The following PCBP3 variants were observed in gnomAD, a reference collection of about 807,000 sequenced individuals.
PCBP3 encodes poly(rC)-binding protein 3.
Under a neutral mutation model 52.7 loss-of-function variants are expected in PCBP3, and 25 were observed. The ratio of observed to expected loss-of-function variants is 0.47; its 90% CI spans 0.35 to 0.66. The LOEUF is 0.66. Among genes scored for constraint, PCBP3 ranks in the 30% least tolerant of loss-of-function variants. PCBP3 has a pLI of 0.01. For synonymous variants in PCBP3, 162 were observed against 183.0 expected, an observed-to-expected ratio of 0.89 and a Z score of 0.93; for missense variants, 391 against 490.3, an observed-to-expected ratio of 0.80 and a Z score of 1.91.
At chr21:45,646,618 G>A (rs1457810397) in intron 1 of PCBP3, among the ~76,000 whole-genome samples, 1 of 152,200 alleles carries the variant, frequency 6.6e-6, no homozygotes, top group Non-Finnish European at 1.5e-5. Flanking sequence ...ATTAACCCAT[G>A]AATGGATTAA....
intron 4 of PCBP3, among the ~76,000 whole-genome samples, chr21:45,773,699 C>T (rs2090047096): frequency 6.6e-6 from 1 of 152,076 alleles, no homozygotes; most frequent in African/African-American, 2.4e-5. Flanking sequence ...TCTTTTTGCT[C>T]AGGATTGCTT....
chr21:45,850,238 A>G, intron 5 of PCBP3, 143 bp downstream of exon 5: 2 of 746,034 alleles, frequency 2.7e-6, no homozygotes, highest in Admixed American at 4.1e-5. Flanking sequence ...ATGTGCCCTG[A>G]AGACTATTCT....
At position 45,940,148 on chromosome 21, in the gene PCBP3, T is replaced by C; in HGVS notation, c.1028T>C (p.Ile343Thr). 6.2e-7 allele frequency: 1 copy of C among 1,614,086 alleles called. No homozygotes were observed. Among genetic ancestry groups the C allele is most frequent in the Non-Finnish European group, 8.5e-7 (1 of 1,179,964 alleles). The change falls in exon 17 of 18, where the codon ATC becomes ACC. Residue 343 changes from isoleucine (I) to threonine (T), a missense_variant. Coordinates refer to ENST00000681687, the MANE Select transcript of PCBP3 (RefSeq NM_001384156.1). ...GGGTCCTCAGAGCGTCAGATCACCA[T>C]CACGGGGACCCCGGCCAACATCAGC... is the stretch of plus-strand genomic sequence containing the variant. Reference protein sequence around the residue: ...TEGSSERQITITGTPANISLA... With the variant: ...TEGSSERQITTTGTPANISLA...
At chr21:45,925,065 G>A (rs1183633438) in intron 13 of PCBP3, among the ~76,000 whole-genome samples, 84 of 91,794 alleles carry the variant, frequency 9.2e-4, no homozygotes, top group Non-Finnish European at 1.4e-3. Context: ...ACGTAAGATC[G>A]GGTGTGCGTG....
chr21:45,890,322 A>G (rs1369935111), intron 5 of PCBP3, among the ~76,000 whole-genome samples: 2 of 152,266 alleles, frequency 1.3e-5, no homozygotes, highest in Non-Finnish European at 2.9e-5. Context: ...GGAAATGTGG[A>G]TAACAGAACC....
chr21:45,782,532 T>C (rs1183367210), intron 4 of PCBP3, among the ~76,000 whole-genome samples: 3 of 152,118 alleles, frequency 2.0e-5, no homozygotes, highest in Non-Finnish European at 2.9e-5. Context: ...TCATTCAAGG[T>C]AGAATGCAAG....
intron 4 of PCBP3, among the ~76,000 whole-genome samples, chr21:45,816,081 T>G (rs2092941400): frequency 8.5e-6 from 1 of 117,202 alleles, no homozygotes; most frequent in Non-Finnish European, 1.8e-5. Context: ...GAGTGGTGAG[T>G]GATGAGTGGT....
At chr21:45,783,918 C>T (rs565914677) in intron 4 of PCBP3, among the ~76,000 whole-genome samples, 8 of 152,238 alleles carry the variant, frequency 5.3e-5, no homozygotes, top group African/African-American at 9.6e-5. Context: ...ACACAAAGCA[C>T]GGAATTCAGT....
At chr21:45,730,860 A>G (rs1347768856) in intron 2 of PCBP3, among the ~76,000 whole-genome samples, 1 of 151,942 alleles carries the variant, frequency 6.6e-6, no homozygotes, top group African/African-American at 2.4e-5. Flanking sequence ...TTTTTTTATT[A>G]GAGTTAACAT....
At chr21:45,795,544 T>C (rs965893374) in intron 4 of PCBP3, among the ~76,000 whole-genome samples, 3 of 152,182 alleles carry the variant, frequency 2.0e-5, no homozygotes, top group Admixed American at 6.5e-5. Flanking sequence ...TAAAGCATAC[T>C]GATTAAAAAG....
At position 45,791,026 on chromosome 21, in the gene PCBP3, C is replaced by A. The variant is rs1026968755; in HGVS notation, c.-126+35574C>A. ...CACAAGGGCAGGAGAACCACTGGGG[C>A]AGCCTTGGGATGCCCAGGATGGGGG... On this transcript the variant is annotated intron_variant, in intron 4 of 17. Transcript: ENST00000681687. The surrounding 1 kb of genome is among the most constrained non-coding windows in gnomAD (Gnocchi z 4.2). 6.6e-6 allele frequency among the ~76,000 whole-genome samples: 1 copy of A among 152,126 alleles called. No individual in the cohort carries two copies. The highest frequency in any genetic ancestry group is 2.4e-5 in the African/African-American group (1 of 41,428).
intron 4 of PCBP3, among the ~76,000 whole-genome samples, chr21:45,834,489 G>A (rs529786954): frequency 1.4e-4 from 22 of 152,272 alleles, no homozygotes; most frequent in South Asian, 1.2e-3. Flanking sequence ...CTGCCTCCTC[G>A]CCACTGCCCA....
rs562319111 is a variant in PCBP3 at position 45,808,648 on chromosome 21, A to G, written c.-125-41313A>G. 1.3e-3 allele frequency among the ~76,000 whole-genome samples: 195 copies of G among 152,348 alleles called. 2 individuals are homozygous for G. Among genetic ancestry groups the G allele is most frequent in the East Asian group, 3.9e-4 (2 of 5,184 alleles). ...CAGTATGGCGATTCCTCAAGGATCTAGAACCAGAAATACCATTTGACCCAG... is the reference window on the plus strand; with the variant it reads ...CAGTATGGCGATTCCTCAAGGATCTGGAACCAGAAATACCATTTGACCCAG... On this transcript the variant is annotated intron_variant, in intron 4 of 17. Transcript: ENST00000681687.
chr21:45,909,112 C>G (rs910352588), intron 9 of PCBP3, among the ~76,000 whole-genome samples: 1 of 152,124 alleles, frequency 6.6e-6, no homozygotes, highest in East Asian at 1.9e-4. Context: ...CAGACCCGCC[C>G]CAACCCCACT....
intron 5 of PCBP3, among the ~76,000 whole-genome samples, chr21:45,878,740 G>C (rs2095329143): frequency 6.6e-6 from 1 of 152,216 alleles, no homozygotes; most frequent in Admixed American, 6.5e-5. Context: ...GATAACTGGA[G>C]TGTTACGACA....
intron 4 of PCBP3, among the ~76,000 whole-genome samples, chr21:45,789,454 A>G (rs752511056): frequency 6.6e-6 from 1 of 152,210 alleles, no homozygotes; most frequent in African/African-American, 2.4e-5. Context: ...GTGCATACAT[A>G]CATGCAGTTG....
chr21:45,841,919 G>A (rs139625254), intron 4 of PCBP3, among the ~76,000 whole-genome samples: 3 of 152,322 alleles, frequency 2.0e-5, no homozygotes, highest in Admixed American at 6.5e-5. Context: ...GTCTAGAGAC[G>A]CACAGCCTCT....
rs1232045625 is a variant in PCBP3, at chr21:45,868,411, C to CTTTTTTT, written c.10+18331_10+18337dup. On this transcript the variant is annotated intron_variant, in intron 5 of 17. Transcript: ENST00000681687. Reference sequence around the variant, plus strand: ...TGGTGTTTGTGTTGACTTATTTGTTCTTTTTTTTTTTTTTTTTTTTTAAAT... The same window carrying CTTTTTTT: ...TGGTGTTTGTGTTGACTTATTTGTTCTTTTTTTTTTTTTTTTTTTTTTTTTTTTAAAT... 3.0e-4 allele frequency among the ~76,000 whole-genome samples: 34 copies of CTTTTTTT among 113,660 alleles called. 1 individual carries two copies. The highest frequency in any genetic ancestry group is 9.1e-4 in the South Asian group (3 of 3,280). 74.6% of individuals were successfully genotyped at this position (113,660 alleles called of 152,430 possible).
chr21:45,714,243 G>T (rs183393274), intron 2 of PCBP3, among the ~76,000 whole-genome samples: 23 of 152,270 alleles, frequency 1.5e-4, no homozygotes, highest in African/African-American at 5.1e-4. Context: ...AGACTAATTT[G>T]TCTCAGTGCT....
Sources: allele counts gnomAD v4.1 joint callset (sites outside exome capture counted in the v4.1 genomes callset), GRCh38; gene constraint gnomAD v4.1.1; non-coding constraint Gnocchi (gnomAD v3.1); transcripts MANE v1.5; gene names NCBI Gene and HGNC (gene_info 2026-07-23, HGNC 2026-07-21).